Variants in SGMS1 observed in about 807,000 individuals in gnomAD.
The protein encoded by SGMS1 is phosphatidylcholine:ceramide cholinephosphotransferase 1.
In SGMS1, 13 loss-of-function variants were observed where a neutral mutation model predicts 46.2. The ratio of observed to expected loss-of-function variants is 0.28; its 90% CI spans 0.18 to 0.45. The LOEUF is 0.45. Ranked by LOEUF, SGMS1 falls within the 20% of genes least tolerant of loss-of-function variation. The probability of loss-of-function intolerance (pLI) is 1.00; values close to 1 mark genes in which losing one functional copy is unlikely to be tolerated. For synonymous variants in SGMS1, 203 were observed against 187.8 expected, an observed-to-expected ratio of 1.08 and a Z score of -0.66; for missense variants, 324 against 519.9, an observed-to-expected ratio of 0.62 and a Z score of 3.66.
At position 50,354,130 on chromosome 10, in the gene SGMS1, G is replaced by A. The variant is rs1251421010; in HGVS notation, c.-231-9785C>T. Among the ~76,000 whole-genome samples the A allele has an allele frequency of 6.8e-5, 10 of 146,216 alleles. 2 individuals carry two copies. Among genetic ancestry groups the A allele is most frequent in the Admixed American group, 6.8e-4 (10 of 14,734 alleles). On this transcript the variant is annotated intron_variant, in intron 6 of 10. Coordinates refer to ENST00000361781, the MANE Select transcript of SGMS1 (RefSeq NM_147156.4). ...AGAATCAAAACAGAGCCCGCATTGC[G>A]AAGTCAATCCTAAGCCAAAAGAACA...
chr10:50,448,794 T>TATTTGCA (rs897821968), intron 5 of SGMS1, among the ~76,000 whole-genome samples: 2 of 124,770 alleles, frequency 1.6e-5, no homozygotes, highest in African/African-American at 6.0e-5. Context: ...TAGGAGAAAA[T>TATTTGCA]ATTTGCAAAA....
intron 6 of SGMS1, among the ~76,000 whole-genome samples, chr10:50,360,739 T>A (rs1360696128): frequency 6.6e-6 from 1 of 152,190 alleles, no homozygotes; most frequent in Non-Finnish European, 1.5e-5. Flanking sequence ...CTGAGAAGCC[T>A]GGGAAAGTCT....
At chr10:50,311,584 C>CG (rs545865701) in intron 8 of SGMS1, among the ~76,000 whole-genome samples, 169 bp from the exon 9 acceptor site, 261 of 33,444 alleles carry the variant, frequency 7.8e-3, no homozygotes, top group Non-Finnish European at 0.012. Flanking sequence ...GCCCTTGGGG[C>CG]GGGGGGGTGG....
chr10:50,496,668 T>C (rs1223060689), intron 3 of SGMS1, among the ~76,000 whole-genome samples: 2 of 152,176 alleles, frequency 1.3e-5, no homozygotes, highest in Non-Finnish European at 2.9e-5. Flanking sequence ...GGCCTTCCTA[T>C]ATCACATTCC....
chr10:50,488,693 C>T (rs1251043673), intron 3 of SGMS1, among the ~76,000 whole-genome samples: 2 of 152,158 alleles, frequency 1.3e-5, no homozygotes, highest in African/African-American at 2.4e-5. Context: ...AATTTCAAAA[C>T]AACCTCTATG....
Position 50,576,169 on chromosome 10 carries a change from C to T in SGMS1, c.-589+13984G>A, listed in dbSNP as rs189630238. The stretch of plus-strand genomic sequence containing the variant: ...GCCCCAGCTTCTGATCCATGAGGTA[C>T]CCACTGAGAAGACAGGTAATGGATG... On this transcript the variant is annotated intron_variant, in intron 2 of 10. Coordinates refer to ENST00000361781, the MANE Select transcript of SGMS1 (RefSeq NM_147156.4). Among the ~76,000 whole-genome samples, 107 of 152,256 alleles carry T rather than the reference C, an allele frequency of 7.0e-4. No individual in the cohort carries two copies. The East Asian group carries it at 0.02, about 29-fold the overall frequency.
chr10:50,515,199 G>A (rs538006866), intron 3 of SGMS1, among the ~76,000 whole-genome samples: 32 of 152,316 alleles, frequency 2.1e-4, no homozygotes, highest in African/African-American at 7.5e-4. Context: ...ACACGATTGT[G>A]ACTAAAGTAC....
chr10:50,361,343 C>T (rs926080594), intron 6 of SGMS1, among the ~76,000 whole-genome samples: 6 of 151,926 alleles, frequency 3.9e-5, no homozygotes, highest in Admixed American at 6.6e-5. Flanking sequence ...TCCTCATACC[C>T]CCAGGATTAA....
intron 2 of SGMS1, among the ~76,000 whole-genome samples, chr10:50,537,727 G>A (rs1262105236): frequency 6.6e-6 from 1 of 151,588 alleles, no homozygotes; most frequent in African/African-American, 2.4e-5. Context: ...AAATAGGAAT[G>A]TTGCCTGAGT....
At chr10:50,470,841 C>T (rs768333175) in intron 3 of SGMS1, among the ~76,000 whole-genome samples, 8 of 152,092 alleles carry the variant, frequency 5.3e-5, no homozygotes, top group Non-Finnish European at 1.2e-4. Flanking sequence ...ATTAACTACC[C>T]TGGGAGTTCA....
chr10:50,442,983 T>C (rs1849564225), intron 5 of SGMS1, among the ~76,000 whole-genome samples: 1 of 152,238 alleles, frequency 6.6e-6, no homozygotes, highest in African/African-American at 2.4e-5. Flanking sequence ...TGCTTTACTA[T>C]TCAAACTGCA....
intron 6 of SGMS1, among the ~76,000 whole-genome samples, chr10:50,372,746 C>A (rs1352466755): frequency 1.3e-5 from 2 of 151,854 alleles, no homozygotes; most frequent in African/African-American, 4.8e-5. Context: ...AAAGTATATA[C>A]CTCCTTTAAT....
chr10:50,365,133 G>A (rs1002984715), intron 6 of SGMS1, among the ~76,000 whole-genome samples: 3 of 151,710 alleles, frequency 2.0e-5, no homozygotes, highest in Non-Finnish European at 2.9e-5. Context: ...GCATGGTGGA[G>A]CATGTAGTCC....
At chr10:50,546,422 T>G (rs1282342270) in intron 2 of SGMS1, among the ~76,000 whole-genome samples, 1 of 152,296 alleles carries the variant, frequency 6.6e-6, no homozygotes, top group African/African-American at 2.4e-5. Context: ...CACATGCACA[T>G]GTATGTTTAT....
chr10:50,624,909 G>A, upstream of SGMS1: 1 of 1,007,060 alleles, frequency 9.9e-7, no homozygotes, highest in South Asian at 3.5e-5. Context: ...GCGGCTACGG[G>A]CCCGGCGTAC....
chr10:50,597,665 T>C (rs1022638964), intron 1 of SGMS1, among the ~76,000 whole-genome samples: 11 of 152,008 alleles, frequency 7.2e-5, no homozygotes, highest in African/African-American at 2.4e-4. Context: ...GGTGAGGAAA[T>C]TGTTCCGTAT....
At chr10:50,621,790 G>C (rs1838852412) in intron 1 of SGMS1, among the ~76,000 whole-genome samples, 1 of 152,204 alleles carries the variant, frequency 6.6e-6, no homozygotes, top group Non-Finnish European at 1.5e-5. Flanking sequence ...AGCAGAAATG[G>C]AAGGAAAGGC....
intron 6 of SGMS1, among the ~76,000 whole-genome samples, chr10:50,393,136 A>G (rs1192293697): frequency 6.6e-6 from 1 of 152,128 alleles, no homozygotes; most frequent in Non-Finnish European, 1.5e-5. Context: ...TCACACATAC[A>G]CCAACATTTA....
chr10:50,461,410 A>C (rs1837262732), intron 4 of SGMS1, among the ~76,000 whole-genome samples: 1 of 152,336 alleles, frequency 6.6e-6, no homozygotes, highest in South Asian at 2.1e-4. Context: ...CTGTTCATTT[A>C]GTGCCTCATT....
Sources: allele counts gnomAD v4.1 joint callset (sites outside exome capture counted in the v4.1 genomes callset), GRCh38; gene constraint gnomAD v4.1.1; transcripts MANE v1.5; gene names NCBI Gene and HGNC (gene_info 2026-07-23, HGNC 2026-07-21).